Variants in DENND2D observed in about 807,000 individuals in gnomAD.
DENND2D encodes DENN domain-containing protein 2D.
DENND2D carries 37 observed loss-of-function variants against 59.8 expected under a neutral mutation model. The ratio of observed to expected loss-of-function variants is 0.62; its 90% CI spans 0.48 to 0.81. The LOEUF (loss-of-function observed/expected upper bound fraction) is 0.81, where lower values mean the gene tolerates loss of function less well. DENND2D is among the 40% of genes least tolerant of loss of function. The pLI is 0.00. For missense variants in DENND2D, 525 were observed against 579.7 expected (o/e 0.91, Z 0.97); for synonymous variants, 219 against 211.3 (o/e 1.04, Z -0.31).
At chr1:111,199,870 G>C (rs541309657) in intron 1 of DENND2D, 72 bp from the exon 2 acceptor site, 11 of 1,544,436 alleles carry the variant, frequency 7.1e-6, no homozygotes, top group Non-Finnish European at 9.6e-6. Flanking sequence ...GTGAGAATCC[G>C]GGTGACCTCC....
intron 7 of DENND2D, among the ~76,000 whole-genome samples, chr1:111,193,082 CTCTG>C (rs1382381237): frequency 2.0e-5 from 3 of 152,226 alleles, no homozygotes; most frequent in South Asian, 4.1e-4. Flanking sequence ...CAGTCCCACT[CTCTG>C]TCTTTCTCTT....
At position 111,186,183 on chromosome 1, in the gene DENND2D, T is replaced by G. The variant is rs1657247486; in HGVS notation, c.*1422A>C. ...TCCAGGTCCTATCACTAGAGATGATTTGGTGTATTTGTGATGAGGCATAAG... is the reference window on the plus strand; with the variant it reads ...TCCAGGTCCTATCACTAGAGATGATGTGGTGTATTTGTGATGAGGCATAAG... On this transcript the variant is annotated 3_prime_UTR_variant, in exon 12 of 12. Coordinates refer to ENST00000357640, the MANE Select transcript of DENND2D (RefSeq NM_024901.5). 6.6e-6 allele frequency among the ~76,000 whole-genome samples: 1 copy of G among 152,206 alleles called. No homozygotes were observed. The highest frequency in any genetic ancestry group is 1.5e-5 in the Non-Finnish European group (1 of 68,036).
chr1:111,202,778 G>A (rs532274057), upstream of DENND2D, among the ~76,000 whole-genome samples: 3 of 152,138 alleles, frequency 2.0e-5, no homozygotes, highest in Admixed American at 6.5e-5. Flanking sequence ...GGAGGAAGGG[G>A]GAGAATCCCC....
chr1:111,197,974 G>T lies in DENND2D; in HGVS notation c.372C>A (p.Phe124Leu). 1 of 1,614,102 alleles carries T rather than the reference G, an allele frequency of 6.2e-7. No homozygotes were observed. The highest frequency in any genetic ancestry group is 8.5e-7 in the Non-Finnish European group (1 of 1,179,992). ...TGCTCCCATCCACATTGGTCAGAAC[G>T]AAGGAGAAGGTCTCCCTAAGAAAGA... The part of the protein sequence containing the change: ...LTEYPRETFS[F>L]VLTNVDGSRK... The change falls in exon 4 of 12, where the codon TTC (phenylalanine) becomes TTA (leucine). Residue 124 changes from phenylalanine to leucine, a missense_variant. Physicochemically the swap from Phe to Leu is conservative, Grantham distance 22. Coordinates refer to ENST00000357640, the MANE Select transcript of DENND2D (RefSeq NM_024901.5).
At chr1:111,188,911 C>T (rs1657472988) in intron 9 of DENND2D, 125 bp from the exon 10 acceptor site, 1 of 810,816 alleles carries the variant, frequency 1.2e-6, no homozygotes, top group Non-Finnish European at 2.1e-6. Context: ...CCACATAGGA[C>T]AGAAACAACA....
At chr1:111,196,081 G>C (rs749698610) in intron 5 of DENND2D, 25 bp from the exon 6 acceptor site, 1 of 1,588,012 alleles carries the variant, frequency 6.3e-7, no homozygotes, top group South Asian at 1.2e-5. Flanking sequence ...ACCACGGGAG[G>C]CACGGCTCAA....
At chr1:111,191,313 A>G (rs1341540707) in intron 8 of DENND2D, among the ~76,000 whole-genome samples, 2 of 152,140 alleles carry the variant, frequency 1.3e-5, no homozygotes, top group Non-Finnish European at 2.9e-5. Context: ...GCTAGGTTCC[A>G]CTGTTGTCTA....
chr1:111,204,510 C>T (rs933080674), upstream of DENND2D: 4 of 806,452 alleles, frequency 5.0e-6, no homozygotes, highest in Non-Finnish European at 5.2e-6. Flanking sequence ...CCGGCCCAAC[C>T]CCCGGGCGCA....
chr1:111,199,759 G>A lies in DENND2D; in HGVS notation c.107C>T (p.Pro36Leu). The change falls in exon 2 of 12, where the codon CCA (proline) becomes CTA (leucine). Residue 36 changes from proline to leucine, a missense_variant. Transcript: ENST00000357640. ...CAAAGAGTGCTCCTGGGCCCTTTCT[G>A]GTTCCTTTAAAGCTTCCCCTGAATT... ...QDNSGEALKE[P>L]ERAQEHSLPN... The A allele has an allele frequency of 1.2e-6, 2 of 1,614,060 alleles. No individual in the cohort carries two copies. The highest frequency in any genetic ancestry group is 1.7e-6 in the Non-Finnish European group (2 of 1,180,006).
At chr1:111,203,774 T>G (rs530220391), upstream of DENND2D, among the ~76,000 whole-genome samples, 197 of 150,644 alleles carry the variant, frequency 1.3e-3, no homozygotes, top group African/African-American at 4.6e-3. Flanking sequence ...TGGCCGAGGG[T>G]GGGTGGGGGT....
upstream of DENND2D, chr1:111,204,132 T>C: frequency 6.0e-6 from 2 of 332,226 alleles, no homozygotes; most frequent in African/African-American, 2.8e-5. Flanking sequence ...CTCCGCGCGC[T>C]CCTTCCCGCT....
intron 5 of DENND2D, 139 bp from the exon 6 acceptor site, chr1:111,196,195 C>A: frequency 9.5e-7 from 1 of 1,047,340 alleles, no homozygotes; most frequent in Non-Finnish European, 1.3e-6. Flanking sequence ...GGGCCCTCCA[C>A]GAACTGGTCC....
intron 5 of DENND2D, chr1:111,196,555 G>A (rs1297065393): frequency 6.3e-6 from 1 of 158,850 alleles, no homozygotes; most frequent in Admixed American, 5.9e-5. Flanking sequence ...AAAGCTGACA[G>A]AGTTTCCTCC....
At position 111,198,577 on chromosome 1, in the gene DENND2D, C is replaced by T. The variant is rs139774926; in HGVS notation, c.356+53G>A. On this transcript the variant is annotated intron_variant, in intron 3 of 11. Transcript: ENST00000357640. ...GAGGCTACAGGAGCCACAGAACTCA[C>T]ACATGTTCCTTCTCCCCAAATCCAA... is the stretch of plus-strand genomic sequence containing the variant. 255 of 1,568,690 alleles carry T rather than the reference C, an allele frequency of 1.6e-4. 3 individuals are homozygous for T. In the African/African-American group the frequency reaches 2.8e-3, roughly 17 times the overall value.
intron 9 of DENND2D, 152 bp from the exon 10 acceptor site, chr1:111,188,938 CTTTAGTTTGA>C: frequency 2.7e-6 from 2 of 752,410 alleles, no homozygotes; most frequent in Non-Finnish European, 4.5e-6. Context: ...GTTTCTTGGC[CTTTAGTTTGA>C]CTCTAGACAT....
Position 111,197,746 on chromosome 1 carries a change from C to T in DENND2D, c.426+174G>A, listed in dbSNP as rs555942607. On this transcript the variant is annotated intron_variant, in intron 4 of 11. Transcript: ENST00000357640. ...AGCGGGAGAAGGGGCATCAGGTCCT[C>T]GTGCTTGTGGGGCTGCAGAGGGAGC... The T allele has an allele frequency of 3.1e-4, 449 of 1,431,432 alleles. 8 individuals are homozygous for T. In the South Asian group the frequency reaches 4.8e-3, roughly 15 times the overall value. 88.7% of individuals were successfully genotyped at this position (1,431,432 alleles called of 1,614,324 possible).
rs1428968719 is a variant in DENND2D, at chr1:111,186,496, AG to A, written c.*1108del. On this transcript the variant is annotated 3_prime_UTR_variant, in exon 12 of 12. Coordinates refer to ENST00000357640, the MANE Select transcript of DENND2D (RefSeq NM_024901.5). ...TTTGTATAGAATTTAGGAACTTCTGAGGGCCACAAATACACACATTAAAAAA... is the reference window on the plus strand; with the variant it reads ...TTTGTATAGAATTTAGGAACTTCTGAGGCCACAAATACACACATTAAAAAA... Among the ~76,000 whole-genome samples, 1 of 152,170 alleles carries A rather than the reference AG, an allele frequency of 6.6e-6. No homozygotes were observed. Among genetic ancestry groups the A allele is most frequent in the Non-Finnish European group, 1.5e-5 (1 of 68,024 alleles).
intron 10 of DENND2D, 135 bp from the exon 11 acceptor site, chr1:111,188,505 G>C: frequency 7.4e-7 from 1 of 1,347,600 alleles, no homozygotes; most frequent in Non-Finnish European, 1.0e-6. Flanking sequence ...ATTACTGACT[G>C]AGATGGGAAT....
At chr1:111,203,937 A>G (rs1458215658), upstream of DENND2D, among the ~76,000 whole-genome samples, 1 of 152,102 alleles carries the variant, frequency 6.6e-6, no homozygotes, top group Non-Finnish European at 1.5e-5. Flanking sequence ...GAGCTGAGGC[A>G]GTGCCTCTGG....
Sources: gnomAD v4.1 joint callset for allele counts (sites outside exome capture counted in the v4.1 genomes callset) on GRCh38, gnomAD v4.1.1 for gene constraint, MANE v1.5 for transcripts, NCBI Gene and HGNC (gene_info 2026-07-23, HGNC 2026-07-21) for gene names.